PSMD6: variants seen among roughly 807,000 people sequenced by gnomAD.
PSMD6 encodes the protein 26S proteasome non-ATPase regulatory subunit 6.
PSMD6 carries 7 observed loss-of-function variants against 44.9 expected under a neutral mutation model. The ratio of observed to expected loss-of-function variants is 0.16; its 90% CI spans 0.09 to 0.29. The LOEUF is 0.29. Among genes scored for constraint, PSMD6 ranks in the 10% least tolerant of loss-of-function variants. PSMD6 has a pLI of 1.00. For synonymous variants in PSMD6, 184 were observed against 172.7 expected, an observed-to-expected ratio of 1.07 and a Z score of -0.51; for missense variants, 420 against 482.6, an observed-to-expected ratio of 0.87 and a Z score of 1.21.
At chr3:64,015,738 A>G (rs1189515688) in intron 5 of PSMD6, 1 of 152,232 alleles carries the variant, frequency 6.6e-6, no homozygotes, top group Non-Finnish European at 1.5e-5. Context: ...CACACTGGAA[A>G]ACCTGATTAA....
chr3:64,013,321 TCTCCC>T (rs1293341684), intron 6 of PSMD6, 113 bp downstream of exon 6: 4 of 1,066,406 alleles, frequency 3.8e-6, no homozygotes, highest in Non-Finnish European at 5.3e-6. Context: ...GAAAAAAACC[TCTCCC>T]CTCCCCGTTA....
chr3:64,020,416 T>C (rs72878921), intron 2 of PSMD6, among the ~76,000 whole-genome samples: 10,084 of 152,232 alleles, frequency 0.066, 589 homozygotes, highest in African/African-American at 0.16. Context: ...TAGAACATTT[T>C]ACAACTTCCT....
intron 6 of PSMD6, chr3:64,011,313 A>ATCAGTAAACATGTCAACAGCAATAGTAT (rs2075942893): frequency 5.9e-6 from 1 of 170,518 alleles, no homozygotes; most frequent in Non-Finnish European, 1.2e-5. Context: ...AACACAGCCC[A>ATCAGTAAACATGTCAACAGCAATAGTAT]TCAGTAAACA....
chr3:64,011,963 A>G (rs960662618), intron 6 of PSMD6: 3 of 152,248 alleles, frequency 2.0e-5, no homozygotes, highest in Non-Finnish European at 2.9e-5. Flanking sequence ...AGCCCTCTTA[A>G]GAGTGGTCAT....
upstream of PSMD6, chr3:64,023,837 T>G: frequency 6.8e-7 from 1 of 1,466,484 alleles, no homozygotes. Context: ...CTCATTCATC[T>G]TATTAAAATC....
intron 2 of PSMD6, 47 bp from the exon 3 acceptor site, chr3:64,019,488 C>T (rs929877479): frequency 7.7e-6 from 12 of 1,562,866 alleles, no homozygotes; most frequent in South Asian, 1.2e-5. Flanking sequence ...TACAAGTTTC[C>T]AAAAAAAGCT....
chr3:64,011,205 T>C (rs2075939423), intron 6 of PSMD6: 1 of 336,290 alleles, frequency 3.0e-6, no homozygotes, highest in Non-Finnish European at 5.4e-6. Flanking sequence ...TGAAACCATA[T>C]GTACTCAGAG....
Position 64,010,601 on chromosome 3 carries a change from T to G in PSMD6, c.*67A>C, listed in dbSNP as rs1402537324. 2 of 1,178,956 alleles carry G rather than the reference T, an allele frequency of 1.7e-6. No homozygotes were observed. Among genetic ancestry groups the G allele is most frequent in the South Asian group, 1.4e-5 (1 of 71,228 alleles). The allele number at this position is 1,178,956 out of a possible 1,614,324, so 73.0% of individuals were successfully genotyped here. A position where few individuals can be genotyped will look rare whatever the true frequency, so the allele number is the denominator to read the frequency against. On this transcript the variant is annotated 3_prime_UTR_variant, in exon 8 of 8. Coordinates refer to ENST00000295901, the MANE Select transcript of PSMD6 (RefSeq NM_014814.3). ...TTTTATACAGCTGACCTGGGCACAT[T>G]GTGAAGTAAGCTATAAAAATTCCAA...
chr3:64,021,670 G>A (rs2076134752), intron 2 of PSMD6, among the ~76,000 whole-genome samples: 1 of 152,108 alleles, frequency 6.6e-6, no homozygotes, highest in African/African-American at 2.4e-5. Flanking sequence ...AATTAGCTGG[G>A]TGTGGTGGCG....
intron 6 of PSMD6, 79 bp from the exon 7 acceptor site, chr3:64,011,034 C>CT: frequency 8.5e-7 from 1 of 1,180,320 alleles, no homozygotes; most frequent in Non-Finnish European, 1.2e-6. Flanking sequence ...AAAATACTGT[C>CT]TTAAATTTGT....
In PSMD6 at chr3:64,019,579, T is replaced by C. The variant is rs981756663; in HGVS notation, c.352-138A>G. 8.3e-6 allele frequency: 7 copies of C among 838,404 alleles called. No individual in the cohort carries two copies. The African/African-American group carries it at 8.7e-5, about 10-fold the overall frequency. 51.9% of individuals were successfully genotyped at this position (838,404 alleles called of 1,614,324 possible). A position where few individuals can be genotyped will look rare whatever the true frequency, so the allele number is the denominator to read the frequency against. ...CAACAAGATGGCCATTAACTGTTAA[T>C]TGTTGAAGCTGGGTGATAAGTACAC... On this transcript the variant is annotated intron_variant, in intron 2 of 7. Transcript: ENST00000295901.
chr3:64,010,591 C>T lies in PSMD6; in HGVS notation c.*77G>A, dbSNP rs896171848. 29 of 1,064,750 alleles carry T rather than the reference C, an allele frequency of 2.7e-5. No homozygotes were observed. In the African/African-American group the frequency reaches 4.4e-4, roughly 16 times the overall value. The allele number at this position is 1,064,750 out of a possible 1,614,324, so 66.0% of individuals were successfully genotyped here. On this transcript the variant is annotated 3_prime_UTR_variant, in exon 8 of 8. Transcript: ENST00000295901. ...GCAGTATTTATTTTATACAGCTGAC[C>T]TGGGCACATTGTGAAGTAAGCTATA...
chr3:64,021,702 T>G (rs1451095797), intron 2 of PSMD6, among the ~76,000 whole-genome samples: 1 of 151,500 alleles, frequency 6.6e-6, no homozygotes, highest in Non-Finnish European at 1.5e-5. Flanking sequence ...TCTCAACTAC[T>G]CGGGAGGCTG....
intron 2 of PSMD6, chr3:64,020,062 A>C (rs1025650920): frequency 2.6e-5 from 4 of 152,202 alleles, no homozygotes; most frequent in Non-Finnish European, 5.9e-5. Context: ...TCCCCCACTA[A>C]AAGGAACCAG....
At position 64,019,127 on chromosome 3, in the gene PSMD6, T is replaced by A. The variant is rs192587669; in HGVS notation, c.498-90A>T. 42 of 1,418,398 alleles carry A rather than the reference T, an allele frequency of 3.0e-5. No homozygotes were observed. In the East Asian group the frequency reaches 9.6e-4, roughly 32 times the overall value. The allele number at this position is 1,418,398 out of a possible 1,614,324, so 87.9% of individuals were successfully genotyped here. ...CTGTTATTTGAAATGAGAAAACAAC[T>A]TTTAACAACTTGAACCGAAAGGAGA... On this transcript the variant is annotated intron_variant, in intron 3 of 7. Transcript: ENST00000295901.
rs1200822260 is a variant in PSMD6 at position 64,013,775 on chromosome 3, A to G, written c.827-168T>C. ...AACAATGGCAGCAACAGCAGTGATA[A>G]AGGAGGGGCCAGGTATGCAAACATC... On this transcript the variant is annotated intron_variant, in intron 5 of 7. Coordinates refer to ENST00000295901, the MANE Select transcript of PSMD6 (RefSeq NM_014814.3). 30 of 542,998 alleles carry G rather than the reference A, an allele frequency of 5.5e-5. No individual in the cohort carries two copies. In the East Asian group the frequency reaches 9.5e-4, roughly 17 times the overall value. The allele number at this position is 542,998 out of a possible 1,614,324, so 33.6% of individuals were successfully genotyped here. A position where few individuals can be genotyped will look rare whatever the true frequency, so the allele number is the denominator to read the frequency against.
At chr3:64,023,542 G>A (rs1395675117), upstream of PSMD6, 48 of 1,412,640 alleles carry the variant, frequency 3.4e-5, no homozygotes, top group Non-Finnish European at 4.3e-5. Context: ...TCCCGTCTCC[G>A]CCGGCAGCGT....
intron 1 of PSMD6, chr3:64,022,878 G>C (rs1402978626): frequency 2.6e-5 from 39 of 1,510,680 alleles, no homozygotes; most frequent in Non-Finnish European, 3.4e-5. Context: ...CTACAGAAGG[G>C]CCAGAAAGAA....
chr3:64,023,756 AT>A (rs3836531), upstream of PSMD6: 223,173 of 1,477,718 alleles, frequency 0.15, 17,441 homozygotes, highest in Admixed American at 0.19. Context: ...GGAGCTTAAA[AT>A]TTTTTGAAAA....
Sources: allele counts gnomAD v4.1 joint callset (sites outside exome capture counted in the v4.1 genomes callset), GRCh38; gene constraint gnomAD v4.1.1; transcripts MANE v1.5; gene names NCBI Gene and HGNC (gene_info 2026-07-23, HGNC 2026-07-21).